Variants in DNM3 observed in about 807,000 individuals in gnomAD.
DNM3 encodes dynamin 3, also known as dynamin-3.
A neutral mutation model predicts 101.6 loss-of-function variants in DNM3; 47 were observed. The ratio of observed to expected loss-of-function variants is 0.46; its 90% CI spans 0.37 to 0.59. The LOEUF is 0.59. Among genes scored for constraint, DNM3 ranks in the 20% least tolerant of loss-of-function variants. DNM3 has a pLI of 0.00. For synonymous variants in DNM3, 385 were observed against 387.9 expected (o/e 0.99, Z 0.09); for missense variants, 849 against 1,085.7 (o/e 0.78, Z 3.06).
chr1:172,081,485 C>T (rs1401014092), intron 11 of DNM3, among the ~76,000 whole-genome samples: 1 of 152,162 alleles, frequency 6.6e-6, no homozygotes, highest in Non-Finnish European at 1.5e-5. Context: ...CCTCCTGCCA[C>T]ACATCTTATT....
At chr1:172,319,219 C>T (rs2065567401) in intron 16 of DNM3, among the ~76,000 whole-genome samples, 1 of 152,060 alleles carries the variant, frequency 6.6e-6, no homozygotes, top group African/African-American at 2.4e-5. Flanking sequence ...CTTCCTTACA[C>T]CTTATACAAA....
chr1:171,869,244 G>T (rs1282795373), intron 1 of DNM3, among the ~76,000 whole-genome samples: 1 of 152,090 alleles, frequency 6.6e-6, no homozygotes, highest in Non-Finnish European at 1.5e-5. Context: ...ATTAAGGTAT[G>T]TGAAAACACC....
intron 14 of DNM3, among the ~76,000 whole-genome samples, chr1:172,197,284 A>C (rs555405042): frequency 6.6e-6 from 1 of 152,152 alleles, no homozygotes; most frequent in East Asian, 1.9e-4. Context: ...TTTTTGTATC[A>C]GTACCATGCT....
chr1:172,217,941 G>A (rs77433619), intron 14 of DNM3, among the ~76,000 whole-genome samples: 1,839 of 152,216 alleles, frequency 0.012, 27 homozygotes, highest in African/African-American at 0.039. Context: ...GTTTTATAGT[G>A]AATAACATTC....
At chr1:171,959,932 G>T (rs1404350639) in intron 2 of DNM3, among the ~76,000 whole-genome samples, 1 of 152,050 alleles carries the variant, frequency 6.6e-6, no homozygotes, top group East Asian at 1.9e-4. Flanking sequence ...CTGTGGAGGG[G>T]GTAGAGGAAT....
intron 16 of DNM3, among the ~76,000 whole-genome samples, chr1:172,322,095 A>G (rs1384268586): frequency 6.6e-6 from 1 of 152,162 alleles, no homozygotes; most frequent in African/African-American, 2.4e-5. Context: ...TGGTCCCTGG[A>G]TTAGGCATTT....
At chr1:172,340,340 G>A (rs558399047) in intron 17 of DNM3, among the ~76,000 whole-genome samples, 20 of 152,258 alleles carry the variant, frequency 1.3e-4, no homozygotes, top group South Asian at 2.1e-4. Context: ...AAGCAGCACC[G>A]CTCTGTCCCC....
At chr1:171,963,629 T>C (rs1435501336) in intron 2 of DNM3, among the ~76,000 whole-genome samples, 1 of 152,066 alleles carries the variant, frequency 6.6e-6, no homozygotes, top group Non-Finnish European at 1.5e-5. Flanking sequence ...AGGTGGGATA[T>C]ATGGGAACTC....
At chr1:172,088,969 G>T (rs915718657) in intron 12 of DNM3, among the ~76,000 whole-genome samples, 1 of 152,130 alleles carries the variant, frequency 6.6e-6, no homozygotes, top group Non-Finnish European at 1.5e-5. Flanking sequence ...GAATCATTAT[G>T]TCTCAGCATA....
chr1:172,379,189 G>C lies in DNM3; in HGVS notation c.2058+7G>C. On this transcript the variant is annotated splice_region_variant and intron_variant, in intron 18 of 20. Coordinates refer to ENST00000627582, the MANE Select transcript of DNM3 (RefSeq NM_015569.5). Reference sequence around the variant, plus strand: ...GCACCTTATGATCAATAACGTAAGTGATTATAAACTACCTCCATTTAACTT... The same window carrying C: ...GCACCTTATGATCAATAACGTAAGTCATTATAAACTACCTCCATTTAACTT... 6.3e-7 allele frequency: 1 copy of C among 1,594,176 alleles called. No individual in the cohort carries two copies. The highest frequency in any genetic ancestry group is 1.3e-5 in the African/African-American group (1 of 74,476).
chr1:171,954,868 A>G (rs1460719387), intron 2 of DNM3, among the ~76,000 whole-genome samples: 1 of 152,266 alleles, frequency 6.6e-6, no homozygotes, highest in Non-Finnish European at 1.5e-5. Context: ...AGCTAAAAAT[A>G]TGTTTTCAGC....
chr1:172,239,421 T>A (rs2061661430), intron 14 of DNM3, among the ~76,000 whole-genome samples: 1 of 152,152 alleles, frequency 6.6e-6, no homozygotes, highest in South Asian at 2.1e-4. Context: ...TACACGGTCA[T>A]CTGCATGGTC....
intron 6 of DNM3, among the ~76,000 whole-genome samples, chr1:172,035,292 AGTCAATCAACTGGTCAAATATGCATGCC>A (rs1258037099): frequency 6.6e-6 from 1 of 152,170 alleles, no homozygotes; most frequent in Non-Finnish European, 1.5e-5. Context: ...CAAGAGGAGA[AGTCAATCAACTGGTCAAATATGCATGCC>A]ACAGCAAAGA....
chr1:172,331,952 A>G (rs1411365237), intron 17 of DNM3, among the ~76,000 whole-genome samples: 1 of 152,036 alleles, frequency 6.6e-6, no homozygotes, highest in Admixed American at 6.6e-5. Context: ...AGTGAGAAGC[A>G]GTTGGATTCA....
chr1:171,843,968 G>GA (rs1260758049), intron 1 of DNM3, among the ~76,000 whole-genome samples: 7 of 152,064 alleles, frequency 4.6e-5, no homozygotes, highest in Admixed American at 2.6e-4. Context: ...GACCATAGAG[G>GA]AAAAAGGTCA....
chr1:172,116,390 C>T (rs938847068), intron 13 of DNM3, among the ~76,000 whole-genome samples: 2 of 152,206 alleles, frequency 1.3e-5, no homozygotes, highest in Admixed American at 6.5e-5. Context: ...CCCCCTATTT[C>T]CTTGCACTGC....
rs766887576 is a variant in DNM3 at position 172,388,793 on chromosome 1, C to T, written c.2506C>T (p.Pro836Ser). 1.9e-6 allele frequency: 3 copies of T among 1,585,990 alleles called. No individual in the cohort carries two copies. Among genetic ancestry groups the T allele is most frequent in the Non-Finnish European group, 1.7e-6 (2 of 1,166,198 alleles). ...AGTTCCATCTAGGCCTACGAGGGCC[C>T]CGCCCAGTGTCCCAAGGTAAGGCAT... ...PQVPSRPTRA[P>S]PSVPSRRPPP... Residue 836 changes from proline (P) to serine (S), a missense_variant, in exon 20 of 21, where the codon CCG becomes TCG. Transcript: ENST00000627582.
At chr1:172,281,546 T>TAG (rs2063491134) in intron 15 of DNM3, among the ~76,000 whole-genome samples, 2 of 152,164 alleles carry the variant, frequency 1.3e-5, no homozygotes, top group African/African-American at 4.8e-5. Flanking sequence ...CTCTACAAAG[T>TAG]AGCTTAGAGC....
intron 1 of DNM3, among the ~76,000 whole-genome samples, chr1:171,857,106 A>G (rs2033689083): frequency 6.6e-6 from 1 of 152,140 alleles, no homozygotes; most frequent in African/African-American, 2.4e-5. Context: ...GAGGATTGCT[A>G]AGATGAGGAA....
Sources: allele counts gnomAD v4.1 joint callset (sites outside exome capture counted in the v4.1 genomes callset), GRCh38; gene constraint gnomAD v4.1.1; transcripts MANE v1.5; gene names NCBI Gene and HGNC (gene_info 2026-07-23, HGNC 2026-07-21).